Variants in UGT2B4 observed in about 807,000 individuals in gnomAD.
UGT2B4 encodes UDP-glucuronosyltransferase 2B4.
In UGT2B4, 49 loss-of-function variants were observed where a neutral mutation model predicts 49.8. The ratio of observed to expected loss-of-function variants is 0.98; its 90% CI spans 0.78 to 1.25. The LOEUF is 1.25. Ranked by LOEUF, UGT2B4 falls within the 50% of genes most tolerant of loss-of-function variation. UGT2B4 has a pLI of 0.00. For synonymous variants in UGT2B4, 246 were observed against 217.7 expected (o/e 1.13, Z -1.14); for missense variants, 729 against 627.7 (o/e 1.16, Z -1.73).
At chr4:69,516,633 G>A (rs973658957) in intron 1 of UGT2B4, among the ~76,000 whole-genome samples, 1 of 151,996 alleles carries the variant, frequency 6.6e-6, no homozygotes, top group Non-Finnish European at 1.5e-5. Flanking sequence ...TTAAGACGGG[G>A]TCTTGCTCTG....
chr4:69,491,039 A>AT (rs948908591), intron 2 of UGT2B4, among the ~76,000 whole-genome samples: 1 of 152,004 alleles, frequency 6.6e-6, no homozygotes, highest in Admixed American at 6.6e-5. Flanking sequence ...AAAGAAAATA[A>AT]TTTTTTTTCT....
chr4:69,524,402 G>A (rs181617265), intron 1 of UGT2B4, among the ~76,000 whole-genome samples: 1 of 152,032 alleles, frequency 6.6e-6, no homozygotes. Context: ...ATAGGCCAGA[G>A]GAGAGGGAGA....
intron 1 of UGT2B4, among the ~76,000 whole-genome samples, chr4:69,524,333 C>T (rs72646771): frequency 0.35 from 53,348 of 151,748 alleles, 9,463 homozygotes; most frequent in Non-Finnish European, 0.37. Context: ...CACTTGAACA[C>T]TTAGAGAGCT....
At chr4:69,496,573 A>G (rs992956858), upstream of UGT2B4, among the ~76,000 whole-genome samples, 3 of 152,202 alleles carry the variant, frequency 2.0e-5, no homozygotes, top group Non-Finnish European at 4.4e-5. Flanking sequence ...TTAATGTTTC[A>G]TAGTATATTC....
chr4:69,489,093 G>A (rs13111134), intron 3 of UGT2B4, among the ~76,000 whole-genome samples: 30,815 of 151,842 alleles, frequency 0.2, 3,616 homozygotes, highest in Non-Finnish European at 0.27. Flanking sequence ...GATGTACATC[G>A]CCCTCAGGAG....
upstream of UGT2B4, among the ~76,000 whole-genome samples, chr4:69,498,684 G>A (rs1159177145): frequency 6.6e-6 from 1 of 152,058 alleles, no homozygotes. Context: ...TCTGATGGTG[G>A]TTTGTGTTTC....
intron 1 of UGT2B4, among the ~76,000 whole-genome samples, chr4:69,510,801 A>T (rs1383930710): frequency 1.3e-5 from 2 of 151,758 alleles, no homozygotes; most frequent in Non-Finnish European, 2.9e-5. Context: ...ATATACTTTT[A>T]TTTATTTTTA....
At chr4:69,497,548 G>C (rs1289491665), upstream of UGT2B4, among the ~76,000 whole-genome samples, 1 of 152,192 alleles carries the variant, frequency 6.6e-6, no homozygotes, top group Admixed American at 6.5e-5. Context: ...AATAACTGCA[G>C]ATGTGGTGGA....
chr4:69,500,578 AAAGCAAGAAAGC>A (rs1478814930), upstream of UGT2B4, among the ~76,000 whole-genome samples: 54 of 145,596 alleles, frequency 3.7e-4, no homozygotes, highest in African/African-American at 1.3e-3. Flanking sequence ...AGAAAGCAAG[AAAGCAAGAAAGC>A]AAGCAAGAAA....
upstream of UGT2B4, chr4:69,496,073 A>AT (rs41299972): frequency 0.045 from 22,252 of 495,012 alleles, 7 homozygotes; most frequent in Non-Finnish European, 0.05. Flanking sequence ...TTCTTTTTGG[A>AT]TTTTTTTTTT....
chr4:69,500,666 A>AAAGG (rs1299087968), upstream of UGT2B4, among the ~76,000 whole-genome samples: 2,632 of 113,434 alleles, frequency 0.023, 97 homozygotes, highest in Admixed American at 0.026. Flanking sequence ...AGAAAGAAAG[A>AAAGG]AAGGAAGGAA....
chr4:69,514,196 C>G, intron 1 of UGT2B4, among the ~76,000 whole-genome samples: 1 of 152,018 alleles, frequency 6.6e-6, no homozygotes, highest in Non-Finnish European at 1.5e-5. Flanking sequence ...CCCATTAACT[C>G]GTCATTTACA....
At chr4:69,512,242 G>T (rs1370153847) in intron 1 of UGT2B4, among the ~76,000 whole-genome samples, 1 of 151,632 alleles carries the variant, frequency 6.6e-6, no homozygotes, top group East Asian at 1.9e-4. Flanking sequence ...TGATAATTTG[G>T]ATATCTTGTT....
chr4:69,524,486 C>T (rs926312436), intron 1 of UGT2B4, among the ~76,000 whole-genome samples: 1 of 151,672 alleles, frequency 6.6e-6, no homozygotes, highest in Non-Finnish European at 1.5e-5. Flanking sequence ...CTTATATGGG[C>T]ATAATTTGTG....
chr4:69,487,589 T>C (rs1420835291), intron 3 of UGT2B4, among the ~76,000 whole-genome samples: 6 of 151,978 alleles, frequency 3.9e-5, no homozygotes, highest in African/African-American at 7.2e-5. Context: ...CTGGGGCTTA[T>C]TGGAGGGTGG....
At chr4:69,483,713 T>C (rs1560431191) in intron 5 of UGT2B4, among the ~76,000 whole-genome samples, 1 of 152,140 alleles carries the variant, frequency 6.6e-6, no homozygotes, top group Non-Finnish European at 1.5e-5. Context: ...TAATAGTAGT[T>C]ATGAATGCTG....
chr4:69,501,768 G>A (rs1728324438), intron 1 of UGT2B4, among the ~76,000 whole-genome samples: 1 of 152,088 alleles, frequency 6.6e-6, no homozygotes, highest in African/African-American at 2.4e-5. Context: ...CTGCCTTTGA[G>A]GTTTGGAGGT....
At chr4:69,522,892 T>A (rs28770265) in intron 1 of UGT2B4, among the ~76,000 whole-genome samples, 53,381 of 151,958 alleles carry the variant, frequency 0.35, 9,454 homozygotes, top group Non-Finnish European at 0.37. Context: ...AAATACTTTG[T>A]TGTCATCTCA....
In UGT2B4 at chr4:69,485,263, T is replaced by C. The variant is rs1402806017; in HGVS notation, c.1255A>G (p.Thr419Ala). 8 of 1,613,874 alleles carry C rather than the reference T, an allele frequency of 5.0e-6. No individual in the cohort carries two copies. In the Admixed American group the frequency reaches 1.3e-4, roughly 27 times the overall value. The stretch of plus-strand genomic sequence containing the variant: ...TTGAGTAAGTCTGTACTCGACATTG[T>C]GTGGAAGTCCAAACTAACAGCTGCT... ...KGAAVSLDFHTMSSTDLLNAL... is the reference protein window; with the variant it reads ...KGAAVSLDFHAMSSTDLLNAL... Residue 419 changes from threonine to alanine, a missense_variant, in exon 5 of 6, where the codon ACA becomes GCA. Thr to Ala is a moderately conservative substitution (Grantham distance 58, BLOSUM62 0). Transcript: ENST00000305107.
Sources: allele counts gnomAD v4.1 joint callset (sites outside exome capture counted in the v4.1 genomes callset), GRCh38; gene constraint gnomAD v4.1.1; transcripts MANE v1.5; gene names NCBI Gene and HGNC (gene_info 2026-07-23, HGNC 2026-07-21).